CLEC16A: variants seen among roughly 807,000 people sequenced by gnomAD.
CLEC16A encodes protein CLEC16A.
CLEC16A carries 51 observed loss-of-function variants against 109.5 expected under a neutral mutation model. The ratio of observed to expected loss-of-function variants is 0.47; its 90% CI spans 0.37 to 0.59. The LOEUF is 0.59. CLEC16A is among the 20% of genes least tolerant of loss of function. The pLI, the probability that CLEC16A is intolerant of heterozygous loss-of-function variation, is 0.00. For synonymous variants in CLEC16A, 673 were observed against 564.2 expected, an observed-to-expected ratio of 1.19 and a Z score of -2.73; for missense variants, 1,339 against 1,394.0, an observed-to-expected ratio of 0.96 and a Z score of 0.63.
At chr16:11,069,431 T>C (rs911388580) in intron 19 of CLEC16A, among the ~76,000 whole-genome samples, 5 of 151,550 alleles carry the variant, frequency 3.3e-5, no homozygotes, top group African/African-American at 9.7e-5. Flanking sequence ...GTCTGGCCTA[T>C]TATTATTACT....
intron 10 of CLEC16A, among the ~76,000 whole-genome samples, chr16:10,994,027 G>A (rs1437279822): frequency 3.3e-5 from 5 of 152,204 alleles, no homozygotes; most frequent in African/African-American, 4.8e-5. Context: ...TCATCTCAGC[G>A]TCAAGTGCTG....
chr16:10,945,886 T>G (rs1385030186), intron 1 of CLEC16A, among the ~76,000 whole-genome samples: 5 of 152,242 alleles, frequency 3.3e-5, no homozygotes, highest in Non-Finnish European at 5.9e-5. Context: ...TGTCTTCTGT[T>G]AAACTGGCAC....
chr16:11,138,317 G>C (rs750227592), intron 22 of CLEC16A, among the ~76,000 whole-genome samples: 2 of 152,228 alleles, frequency 1.3e-5, no homozygotes, highest in Admixed American at 6.5e-5. Flanking sequence ...CAAAGGTGTG[G>C]CTGCAGGGTA....
intron 22 of CLEC16A, among the ~76,000 whole-genome samples, chr16:11,137,370 C>A (rs950700377): frequency 6.6e-6 from 1 of 151,834 alleles, no homozygotes; most frequent in Admixed American, 6.6e-5. Context: ...TGATTTTTGC[C>A]TTAAAATCTC....
At chr16:10,977,545 G>A in intron 8 of CLEC16A, 146 bp downstream of exon 8, 1 of 813,592 alleles carries the variant, frequency 1.2e-6, no homozygotes, top group Non-Finnish European at 1.9e-6. Context: ...ACGGAGTTTT[G>A]CTCTTTTACC....
At chr16:10,987,655 C>T (rs1389796135) in intron 10 of CLEC16A, among the ~76,000 whole-genome samples, 2 of 152,206 alleles carry the variant, frequency 1.3e-5, no homozygotes, top group Non-Finnish European at 2.9e-5. Context: ...TGATGACTAT[C>T]GTTCAGGTTT....
chr16:11,138,726 A>G (rs1359009713), intron 22 of CLEC16A, among the ~76,000 whole-genome samples: 1 of 152,168 alleles, frequency 6.6e-6, no homozygotes, highest in Non-Finnish European at 1.5e-5. Context: ...TTTTCACTCA[A>G]CAGCGTATCC....
intron 22 of CLEC16A, among the ~76,000 whole-genome samples, chr16:11,164,841 G>A (rs1019183313): frequency 1.3e-5 from 2 of 152,364 alleles, no homozygotes; most frequent in Admixed American, 6.5e-5. Context: ...GAAAGGTGAG[G>A]TCAGGGCCTA....
chr16:11,166,578 T>G, intron 23 of CLEC16A, 26 bp downstream of exon 23: 2 of 1,546,702 alleles, frequency 1.3e-6, no homozygotes, highest in Non-Finnish European at 8.7e-7. Flanking sequence ...CTCAGTGATA[T>G]GGGGACATTT....
intron 22 of CLEC16A, among the ~76,000 whole-genome samples, chr16:11,159,601 G>A (rs1414581990): frequency 6.6e-6 from 1 of 152,256 alleles, no homozygotes; most frequent in Non-Finnish European, 1.5e-5. Context: ...GAGGAATGAG[G>A]TTCCATCTGC....
At chr16:11,171,095 C>T (rs1303499605) in intron 23 of CLEC16A, among the ~76,000 whole-genome samples, 1 of 152,258 alleles carries the variant, frequency 6.6e-6, no homozygotes, top group Non-Finnish European at 1.5e-5. Flanking sequence ...TTCCCAAATG[C>T]AGACGGGCCG....
chr16:11,003,326 C>T (rs200113690), intron 11 of CLEC16A, 21 bp downstream of exon 11: 107 of 1,593,766 alleles, frequency 6.7e-5, no homozygotes, highest in East Asian at 1.3e-4. Context: ...CCATGAACGC[C>T]GCCCTGTGCC....
At position 11,027,219 on chromosome 16, in the gene CLEC16A, A is replaced by C. The variant is rs769826750; in HGVS notation, c.1537+2298A>C. On this transcript the variant is annotated intron_variant, in intron 13 of 23. Transcript: ENST00000409790. ...TGATTACTGGCAGCAGAAACCTGAC[A>C]AGGTGCATCTCAGACGACTAGAAGT... The C allele has an allele frequency of 6.5e-5, 93 of 1,440,186 alleles. No individual in the cohort carries two copies. The Middle Eastern group carries it at 1.1e-3, about 16-fold the overall frequency. 89.2% of individuals were successfully genotyped at this position (1,440,186 alleles called of 1,614,324 possible).
chr16:11,168,179 C>A (rs2068353069), intron 23 of CLEC16A, among the ~76,000 whole-genome samples: 1 of 152,160 alleles, frequency 6.6e-6, no homozygotes, highest in South Asian at 2.1e-4. Context: ...CTGAATGTGA[C>A]CCCTGAGGCT....
chr16:11,116,593 G>A (rs757230931), intron 19 of CLEC16A, among the ~76,000 whole-genome samples: 1 of 152,132 alleles, frequency 6.6e-6, no homozygotes, highest in Non-Finnish European at 1.5e-5. Context: ...CACTGTCGGA[G>A]GATTGAACCG....
At chr16:10,969,027 C>T (rs1288046512) in intron 3 of CLEC16A, 134 bp from the exon 4 acceptor site, 1 of 645,844 alleles carries the variant, frequency 1.5e-6, no homozygotes, top group Non-Finnish European at 2.6e-6. Context: ...TTAAGCTCTT[C>T]CCAGTTAGTG....
chr16:11,023,115 T>C (rs1055335678), intron 12 of CLEC16A, among the ~76,000 whole-genome samples: 24 of 150,230 alleles, frequency 1.6e-4, no homozygotes, highest in East Asian at 1.2e-3. Flanking sequence ...TTTTTTTTTT[T>C]CCGATGTGAA....
chr16:10,952,078 G>A (rs184090024), intron 1 of CLEC16A, among the ~76,000 whole-genome samples: 3 of 152,302 alleles, frequency 2.0e-5, no homozygotes, highest in Admixed American at 2.0e-4. Context: ...AAAAAGACCC[G>A]AGGAAATAGA....
rs2068439617 is a variant in CLEC16A at position 11,170,048 on chromosome 16, T to A, written c.2806+3496T>A. On this transcript the variant is annotated intron_variant, in intron 23 of 23. Coordinates refer to ENST00000409790, the MANE Select transcript of CLEC16A (RefSeq NM_015226.3). ...AGCAGAGGAGCCAGGATCTGAAGCCTAGCCTTGGCAGCCCTAAAGCCCATG... is the reference window on the plus strand; with the variant it reads ...AGCAGAGGAGCCAGGATCTGAAGCCAAGCCTTGGCAGCCCTAAAGCCCATG... Among the ~76,000 whole-genome samples the A allele has an allele frequency of 1.3e-5, 2 of 152,336 alleles. 1 individual carries two copies. The highest frequency in any genetic ancestry group is 4.1e-4 in the South Asian group (2 of 4,828).
Sources: gnomAD v4.1 joint callset for allele counts (sites outside exome capture counted in the v4.1 genomes callset) on GRCh38, gnomAD v4.1.1 for gene constraint, MANE v1.5 for transcripts, NCBI Gene and HGNC (gene_info 2026-07-23, HGNC 2026-07-21) for gene names.